Variants in CD300E observed in about 807,000 individuals in gnomAD.
The protein encoded by CD300E is CMRF35-like molecule 2.
In CD300E, 14 loss-of-function variants were observed where a neutral mutation model predicts 20.9. The ratio of observed to expected loss-of-function variants is 0.67; its 90% CI spans 0.44 to 1.05. The LOEUF (loss-of-function observed/expected upper bound fraction) is 1.05. Ranked by LOEUF, CD300E falls within the 50% of genes least tolerant of loss-of-function variation. The pLI, the probability that CD300E is intolerant of heterozygous loss-of-function variation, is 0.00. For missense variants in CD300E, 237 were observed against 253.9 expected (o/e 0.93, Z 0.45); for synonymous variants, 102 against 103.7 (o/e 0.98, Z 0.10).
chr17:74,616,758 A>AG (rs962659749), intron 2 of CD300E, among the ~76,000 whole-genome samples: 8 of 152,294 alleles, frequency 5.3e-5, no homozygotes, highest in African/African-American at 1.9e-4. Context: ...ACAACATGGT[A>AG]GGGGGATGTT....
rs758743081 is a variant in CD300E, at chr17:74,617,338, C to T, written c.168G>A (p.Thr56=). 7.2e-5 allele frequency: 117 copies of T among 1,614,090 alleles called. No homozygotes were observed. Among genetic ancestry groups the T allele is most frequent in the Non-Finnish European group, 9.3e-5 (110 of 1,180,056 alleles). ...NKYWCRGQYD[T]SCESIVETKG... ...TGGTCTCCACAATGCTCTCACATGA[C>T]GTGTCGTACTGTCCTCGGCACCAGT... is the stretch of plus-strand genomic sequence containing the variant. Residue 56 remains threonine (T), a synonymous_variant, in exon 2 of 4, where the codon ACG becomes ACA. Transcript: ENST00000392619.
At chr17:74,618,373 AAG>A (rs2030951410) in intron 1 of CD300E, among the ~76,000 whole-genome samples, 1 of 152,134 alleles carries the variant, frequency 6.6e-6, no homozygotes, top group African/African-American at 2.4e-5. Flanking sequence ...GAGGGAGAGA[AAG>A]AGAAACAGTG....
intron 3 of CD300E, among the ~76,000 whole-genome samples, chr17:74,613,430 T>C (rs543176437): frequency 1.3e-5 from 2 of 152,214 alleles, no homozygotes; most frequent in Non-Finnish European, 2.9e-5. Context: ...CTCCAGCTCC[T>C]TGTTCCCTCC....
intron 1 of CD300E, among the ~76,000 whole-genome samples, chr17:74,622,830 C>T (rs1022898178): frequency 2.6e-5 from 4 of 152,064 alleles, no homozygotes; most frequent in African/African-American, 9.7e-5. Context: ...CTCCGCCTCC[C>T]AAGTTCAAGC....
chr17:74,613,859 A>C (rs1598148099), intron 3 of CD300E, 66 bp downstream of exon 3: 2 of 1,029,592 alleles, frequency 1.9e-6, no homozygotes, highest in South Asian at 1.4e-5. Flanking sequence ...ACGGTGCGCC[A>C]CCCCCACCCC....
Position 74,612,634 on chromosome 17 carries a change from G to C in CD300E, c.*19C>G. On this transcript the variant is annotated 3_prime_UTR_variant, in exon 4 of 4. Transcript: ENST00000392619. ...ACTCCTGGGGATGGGGCTCTGCAGG[G>C]CTTCGGGTCAGCCTGGCTCTATCTT... is the stretch of plus-strand genomic sequence containing the variant. The C allele has an allele frequency of 1.9e-6, 3 of 1,612,134 alleles. No individual in the cohort carries two copies. Among genetic ancestry groups the C allele is most frequent in the Non-Finnish European group, 2.5e-6 (3 of 1,179,634 alleles).
rs754243021 is a variant in CD300E at position 74,623,683 on chromosome 17, T to C, written c.-62A>G. The stretch of plus-strand genomic sequence containing the variant: ...AGGTCCCAGCTGGAATCCAAGTATA[T>C]GTAACGGAGCCTGGGTCATCCACTT... On this transcript the variant is annotated 5_prime_UTR_variant, in exon 1 of 4. Coordinates refer to ENST00000392619, the MANE Select transcript of CD300E (RefSeq NM_181449.3). 13 of 1,563,292 alleles carry C rather than the reference T, an allele frequency of 8.3e-6. No homozygotes were observed. The highest frequency in any genetic ancestry group is 1.1e-5 in the Non-Finnish European group (12 of 1,133,758).
chr17:74,621,562 G>A (rs576631894), intron 1 of CD300E, among the ~76,000 whole-genome samples: 12 of 152,194 alleles, frequency 7.9e-5, no homozygotes, highest in Admixed American at 3.9e-4. Context: ...ATATAAATGC[G>A]TCGGTGCATT....
intron 3 of CD300E, among the ~76,000 whole-genome samples, 186 bp downstream of exon 3, chr17:74,613,739 G>A (rs1029058224): frequency 1.6e-4 from 25 of 152,264 alleles, no homozygotes; most frequent in Non-Finnish European, 3.4e-4. Context: ...AGGGAAAGGC[G>A]TTCACAGCAC....
At position 74,623,648 on chromosome 17, in the gene CD300E, C is replaced by T. The variant is rs768417203; in HGVS notation, c.-27G>A. Reference sequence around the variant, plus strand: ...TTCCTGTCTCCTTGGCTTCCGTCCTCAGCAAATCTAGGTCCCAGCTGGAAT... The same window carrying T: ...TTCCTGTCTCCTTGGCTTCCGTCCTTAGCAAATCTAGGTCCCAGCTGGAAT... On this transcript the variant is annotated 5_prime_UTR_variant, in exon 1 of 4. Transcript: ENST00000392619. 2.9e-5 allele frequency: 46 copies of T among 1,613,894 alleles called. No homozygotes were observed. Among genetic ancestry groups the T allele is most frequent in the Non-Finnish European group, 3.6e-5 (43 of 1,179,866 alleles).
intron 1 of CD300E, 56 bp downstream of exon 1, chr17:74,623,526 T>C: frequency 1.3e-6 from 2 of 1,570,516 alleles, no homozygotes; most frequent in Non-Finnish European, 1.7e-6. Context: ...ACAGCTCTTC[T>C]ACCTACTGTC....
intron 2 of CD300E, among the ~76,000 whole-genome samples, chr17:74,616,112 T>C (rs922250477): frequency 6.6e-6 from 1 of 151,790 alleles, no homozygotes; most frequent in African/African-American, 2.4e-5. Flanking sequence ...ATGTGATCTA[T>C]TGCAGGGGCT....
chr17:74,619,091 C>T (rs2030965656), intron 1 of CD300E: 1 of 471,212 alleles, frequency 2.1e-6, no homozygotes, highest in Non-Finnish European at 4.4e-6. Context: ...GAGAGCTGGT[C>T]CTCACCTCCT....
chr17:74,614,992 C>T (rs1363613227), intron 2 of CD300E, among the ~76,000 whole-genome samples: 4 of 152,250 alleles, frequency 2.6e-5, no homozygotes, highest in South Asian at 4.1e-4. Context: ...TCCGATAAGC[C>T]GCGTTCAACC....
At chr17:74,618,055 G>A (rs890389184) in intron 1 of CD300E, among the ~76,000 whole-genome samples, 1 of 152,230 alleles carries the variant, frequency 6.6e-6, no homozygotes, top group African/African-American at 2.4e-5. Context: ...ATAGTCCCCA[G>A]GTCTTGGGAG....
intron 2 of CD300E, among the ~76,000 whole-genome samples, chr17:74,614,656 AT>A (rs991995729): frequency 1.3e-5 from 2 of 151,962 alleles, no homozygotes; most frequent in Non-Finnish European, 2.9e-5. Flanking sequence ...CTAATTTTGT[AT>A]TTTTAGTTGA....
intron 1 of CD300E, among the ~76,000 whole-genome samples, chr17:74,623,290 C>T (rs1177889637): frequency 6.6e-6 from 1 of 152,316 alleles, no homozygotes; most frequent in Admixed American, 6.5e-5. Context: ...ATGAATGAGT[C>T]TCTACAACAG....
intron 1 of CD300E, among the ~76,000 whole-genome samples, 158 bp from the exon 2 acceptor site, chr17:74,617,623 C>T (rs562106307): frequency 6.6e-6 from 1 of 152,234 alleles, no homozygotes; most frequent in East Asian, 1.9e-4. Context: ...GCCAAAGAGT[C>T]CCTGTGAGAG....
intron 2 of CD300E, among the ~76,000 whole-genome samples, chr17:74,616,415 C>T (rs760963539): frequency 1.3e-5 from 2 of 152,032 alleles, no homozygotes; most frequent in Non-Finnish European, 2.9e-5. Flanking sequence ...GTCAAGGAAC[C>T]CAAGGCAAGA....
Sources: allele counts gnomAD v4.1 joint callset (sites outside exome capture counted in the v4.1 genomes callset), GRCh38; gene constraint gnomAD v4.1.1; transcripts MANE v1.5; gene names NCBI Gene and HGNC (gene_info 2026-07-23, HGNC 2026-07-21).